MYT1L: variants seen among roughly 807,000 people sequenced by gnomAD.
MYT1L encodes the protein myelin transcription factor 1 like.
MYT1L carries 12 observed loss-of-function variants against 126.7 expected under a neutral mutation model. The observed-to-expected ratio is 0.09, with a 90% CI of 0.06 to 0.15. MYT1L has a LOEUF of 0.15. Among genes scored for constraint, MYT1L ranks in the 10% least tolerant of loss-of-function variants. The pLI, the probability that MYT1L is intolerant of heterozygous loss-of-function variation, is 1.00. For synonymous variants in MYT1L, 541 were observed against 604.2 expected (o/e 0.90, Z 1.53); for missense variants, 979 against 1,585.2 (o/e 0.62, Z 6.49).
At position 1,880,454 on chromosome 2, in the gene MYT1L, C is replaced by T. The variant is rs142157359; in HGVS notation, c.2711+6085G>A. Among the ~76,000 whole-genome samples, 54 of 152,320 alleles carry T rather than the reference C, an allele frequency of 3.5e-4. 1 individual carries two copies. The East Asian group carries it at 0.01, about 29-fold the overall frequency. On this transcript the variant is annotated intron_variant, in intron 18 of 24. Coordinates refer to ENST00000647738, the MANE Select transcript of MYT1L (RefSeq NM_001303052.2). ...CCGGGTTCCAGTGATTCTTGTGCCT[C>T]AGCCTCCTGAGTAGCTAGAACACTT...
chr2:2,139,269 C>T (rs1384983447), intron 3 of MYT1L, among the ~76,000 whole-genome samples: 1 of 152,090 alleles, frequency 6.6e-6, no homozygotes, highest in Non-Finnish European at 1.5e-5. Context: ...GAAATTTCAT[C>T]TTCTTTATTT....
intron 2 of MYT1L, among the ~76,000 whole-genome samples, chr2:2,251,572 G>A (rs2149219433): frequency 6.6e-6 from 1 of 152,224 alleles, no homozygotes; most frequent in East Asian, 1.9e-4. Context: ...CACCCAGTAG[G>A]CACCTGGACA....
At chr2:1,876,111 T>A (rs10188792) in intron 18 of MYT1L, among the ~76,000 whole-genome samples, 6,373 of 152,272 alleles carry the variant, frequency 0.042, 173 homozygotes, top group East Asian at 0.097. Context: ...CCGGGTATTT[T>A]CAGTGATGTG....
intron 2 of MYT1L, among the ~76,000 whole-genome samples, chr2:2,227,824 T>C (rs2094052915): frequency 6.6e-6 from 1 of 152,204 alleles, no homozygotes; most frequent in African/African-American, 2.4e-5. Context: ...AAAACAGCCG[T>C]AGTTTAACCA....
intron 23 of MYT1L, among the ~76,000 whole-genome samples, chr2:1,799,876 A>C (rs893138901): frequency 2.0e-5 from 3 of 151,984 alleles, no homozygotes; most frequent in Non-Finnish European, 4.4e-5. Flanking sequence ...GTCTCACAAG[A>C]TCTGATGGTT....
At chr2:2,286,610 G>A (rs554709146) in intron 1 of MYT1L, among the ~76,000 whole-genome samples, 153 of 152,240 alleles carry the variant, frequency 1.0e-3, no homozygotes, top group South Asian at 2.1e-3. Flanking sequence ...GTTTCTACTC[G>A]GGTTAAAGTG....
At chr2:1,864,382 C>A (rs2045164674) in intron 18 of MYT1L, among the ~76,000 whole-genome samples, 1 of 152,198 alleles carries the variant, frequency 6.6e-6, no homozygotes, top group Non-Finnish European at 1.5e-5. Flanking sequence ...CTCCAGCAGG[C>A]CCTCCACAGT....
chr2:2,247,081 C>G lies in MYT1L; in HGVS notation c.-421+37323G>C, dbSNP rs570793145. 8.5e-5 allele frequency among the ~76,000 whole-genome samples: 13 copies of G among 152,142 alleles called. No individual in the cohort carries two copies. In the South Asian group the frequency reaches 2.3e-3, roughly 27 times the overall value. On this transcript the variant is annotated intron_variant, in intron 2 of 24. Coordinates refer to ENST00000647738, the MANE Select transcript of MYT1L (RefSeq NM_001303052.2). The stretch of plus-strand genomic sequence containing the variant: ...ATGGAAATGGATTAAACTCTCCAAT[C>G]AAAAGATAGAGAGTGGCTGAATGGA...
At chr2:2,016,786 C>A (rs1043856833) in intron 4 of MYT1L, among the ~76,000 whole-genome samples, 3 of 152,216 alleles carry the variant, frequency 2.0e-5, no homozygotes, top group African/African-American at 7.2e-5. Context: ...CGTGAAGACA[C>A]GAAACCACAT....
intron 3 of MYT1L, among the ~76,000 whole-genome samples, chr2:2,093,310 G>T (rs569017712): frequency 3.7e-4 from 56 of 151,394 alleles, no homozygotes; most frequent in Non-Finnish European, 6.9e-4. Context: ...AGCGGAGCAG[G>T]GGGTGGGGCG....
intron 23 of MYT1L, chr2:1,795,464 G>C (rs980921856): frequency 5.2e-5 from 8 of 152,866 alleles, no homozygotes; most frequent in Non-Finnish European, 1.0e-4. Flanking sequence ...GGATGGGGCT[G>C]AGCAGGCTGG....
At chr2:2,319,214 C>T (rs1220496810) in intron 1 of MYT1L, 2 of 152,188 alleles carry the variant, frequency 1.3e-5, no homozygotes, top group African/African-American at 4.8e-5. Context: ...TTCCTGTTTG[C>T]TTGGAAGGTT....
At chr2:1,956,660 C>T (rs950914290) in intron 8 of MYT1L, among the ~76,000 whole-genome samples, 4 of 151,516 alleles carry the variant, frequency 2.6e-5, no homozygotes, top group Non-Finnish European at 4.4e-5. Context: ...ATCTATCTAT[C>T]ATCTATCTAT....
chr2:1,956,396 A>ATCTG lies in MYT1L; in HGVS notation c.153-13066_153-13063dup, dbSNP rs762342275. 7.0e-4 allele frequency among the ~76,000 whole-genome samples: 45 copies of ATCTG among 64,584 alleles called. 6 individuals are homozygous for ATCTG. Among genetic ancestry groups the ATCTG allele is most frequent in the Non-Finnish European group, 1.3e-3 (42 of 32,642 alleles). 42.4% of individuals were successfully genotyped at this position (64,584 alleles called of 152,430 possible). A position where few individuals can be genotyped will look rare whatever the true frequency, so the allele number is the denominator to read the frequency against. On this transcript the variant is annotated intron_variant, in intron 8 of 24. Transcript: ENST00000647738. ...CTATTCTATATTTCCTATTCTTTCTATCTGTCTGTCTATCTATCTATCTAT... is the reference window on the plus strand; with the variant it reads ...CTATTCTATATTTCCTATTCTTTCTATCTGTCTGTCTGTCTATCTATCTATCTAT...
intron 3 of MYT1L, among the ~76,000 whole-genome samples, chr2:2,113,180 A>G (rs1167186683): frequency 1.3e-5 from 2 of 152,320 alleles, no homozygotes; most frequent in African/African-American, 2.4e-5. Flanking sequence ...GATGGATGAA[A>G]ACCAACTATT....
chr2:2,031,629 G>A (rs1162159165), intron 4 of MYT1L, among the ~76,000 whole-genome samples: 4 of 141,676 alleles, frequency 2.8e-5, no homozygotes, highest in Non-Finnish European at 4.5e-5. Context: ...GATTCTAGAA[G>A]GAGGGCCTTA....
chr2:2,257,197 G>A (rs17039485), intron 2 of MYT1L, among the ~76,000 whole-genome samples: 4,275 of 152,162 alleles, frequency 0.028, 181 homozygotes, highest in African/African-American at 0.097. Context: ...CGCCATTCCC[G>A]AATTAGTAGG....
At chr2:2,169,092 T>G (rs893556765) in intron 3 of MYT1L, among the ~76,000 whole-genome samples, 1 of 152,206 alleles carries the variant, frequency 6.6e-6, no homozygotes. Flanking sequence ...ATTTTACTGA[T>G]GGGGAAACTG....
At position 1,922,295 on chromosome 2, in the gene MYT1L, A is replaced by G. The variant is rs1334934983; in HGVS notation, c.1474T>C (p.Tyr492His). 3 of 1,613,632 alleles carry G rather than the reference A, an allele frequency of 1.9e-6. No individual in the cohort carries two copies. In the Admixed American group the frequency reaches 5.0e-5, roughly 27 times the overall value. The part of the protein sequence containing the change: ...SSDSHVKKPY[Y>H]GKDPSRTEKK... The stretch of plus-strand genomic sequence containing the variant: ...TAGGTAGAAATATTACCTTTACCAT[A>G]GTATGGCTTTTTGACATGGCTGTCA... The change falls in exon 10 of 25, where the codon TAT (tyrosine) becomes CAT (histidine). Residue 492 changes from tyrosine to histidine, a missense_variant. This residue lies in a region of MYT1L where 67 missense variants were observed against 80.3 expected (regional missense o/e 0.83). Coordinates refer to ENST00000647738, the MANE Select transcript of MYT1L (RefSeq NM_001303052.2). This position sits in a 1 kb window ranked among gnomAD's most constrained non-coding sequence, Gnocchi z 7.4.
Sources: allele counts gnomAD v4.1 joint callset (sites outside exome capture counted in the v4.1 genomes callset), GRCh38; gene constraint gnomAD v4.1.1; regional missense constraint gnomAD v4.1.1; non-coding constraint Gnocchi (gnomAD v3.1); transcripts MANE v1.5; gene names NCBI Gene and HGNC (gene_info 2026-07-23, HGNC 2026-07-21).